CDH18: variants seen among roughly 807,000 people sequenced by gnomAD.
CDH18 encodes the protein cadherin 18.
Under a neutral mutation model 67.9 loss-of-function variants are expected in CDH18, and 31 were observed. The ratio of observed to expected loss-of-function variants is 0.46; its 90% CI spans 0.34 to 0.62. The LOEUF (loss-of-function observed/expected upper bound fraction) is 0.62, where lower values mean the gene tolerates loss of function less well. CDH18 is among the 20% of genes least tolerant of loss of function. CDH18 has a pLI of 0.01. For synonymous variants in CDH18, 362 were observed against 347.2 expected, an observed-to-expected ratio of 1.04 and a Z score of -0.48; for missense variants, 890 against 975.5, an observed-to-expected ratio of 0.91 and a Z score of 1.17.
At chr5:20,483,407 A>G (rs1752952414) in intron 1 of CDH18, among the ~76,000 whole-genome samples, 1 of 152,058 alleles carries the variant, frequency 6.6e-6, no homozygotes, top group African/African-American at 2.4e-5. Flanking sequence ...TCACAGAAAT[A>G]GAGAAAATAA....
chr5:19,618,124 A>C (rs1750125680), intron 5 of CDH18, among the ~76,000 whole-genome samples: 1 of 152,158 alleles, frequency 6.6e-6, no homozygotes, highest in African/African-American at 2.4e-5. Context: ...AAAAACCTCC[A>C]AGGTAGACAC....
At chr5:20,568,022 A>G (rs923049384) in intron 1 of CDH18, among the ~76,000 whole-genome samples, 1 of 152,160 alleles carries the variant, frequency 6.6e-6, no homozygotes, top group African/African-American at 2.4e-5. Context: ...GAGTCCTGCT[A>G]TTGTTTATAT....
At chr5:20,060,573 C>A (rs1021170531) in intron 2 of CDH18, among the ~76,000 whole-genome samples, 1 of 152,134 alleles carries the variant, frequency 6.6e-6, no homozygotes, top group Non-Finnish European at 1.5e-5. Context: ...TTCACACTAA[C>A]TTTGAAATTG....
At chr5:19,552,671 A>G (rs573080659) in intron 8 of CDH18, among the ~76,000 whole-genome samples, 2 of 152,314 alleles carry the variant, frequency 1.3e-5, no homozygotes, top group South Asian at 4.1e-4. Flanking sequence ...GATGTCTCCT[A>G]GTTATAGATT....
At position 20,274,772 on chromosome 5, in the gene CDH18, C is replaced by T. The variant is rs563904605; in HGVS notation, c.-579-19267G>A. Among the ~76,000 whole-genome samples, 160 of 152,136 alleles carry T rather than the reference C, an allele frequency of 1.1e-3. 1 individual carries two copies. The highest frequency in any genetic ancestry group is 3.6e-3 in the African/African-American group (149 of 41,522). ...CATTCTAGAAAACATTGGCTTTTGGCGTATTATCATACTTTGAGAACATCT... is the reference window on the plus strand; with the variant it reads ...CATTCTAGAAAACATTGGCTTTTGGTGTATTATCATACTTTGAGAACATCT... On this transcript the variant is annotated intron_variant, in intron 1 of 14. Coordinates refer to the CDH18 transcript ENST00000507958.
At chr5:19,993,613 C>G (rs1390121801) in intron 2 of CDH18, among the ~76,000 whole-genome samples, 1 of 152,036 alleles carries the variant, frequency 6.6e-6, no homozygotes, top group Non-Finnish European at 1.5e-5. Context: ...CACACATATA[C>G]ACACATATAG....
At chr5:20,291,337 C>T (rs1243001737) in intron 1 of CDH18, among the ~76,000 whole-genome samples, 2 of 151,960 alleles carry the variant, frequency 1.3e-5, no homozygotes, top group African/African-American at 4.8e-5. Flanking sequence ...CTAAGAGAGT[C>T]GGTCTGTGGA....
At chr5:19,711,399 A>C (rs147050940) in intron 5 of CDH18, among the ~76,000 whole-genome samples, 1 of 150,868 alleles carries the variant, frequency 6.6e-6, no homozygotes, top group East Asian at 2.0e-4. Flanking sequence ...CATAAACTAC[A>C]ACAACAACAA....
intron 2 of CDH18, among the ~76,000 whole-genome samples, chr5:19,993,543 C>G (rs1276550517): frequency 1.3e-5 from 2 of 152,032 alleles, no homozygotes; most frequent in Non-Finnish European, 2.9e-5. Context: ...GATACCATCT[C>G]TAACTCCTCT....
At chr5:19,847,414 T>A (rs549777648) in intron 2 of CDH18, among the ~76,000 whole-genome samples, 1 of 152,116 alleles carries the variant, frequency 6.6e-6, no homozygotes, top group Admixed American at 6.6e-5. Flanking sequence ...CACTAAAATT[T>A]TCAGTTTAGT....
intron 2 of CDH18, among the ~76,000 whole-genome samples, chr5:19,855,229 AAGAAG>A (rs1248389408): frequency 6.6e-6 from 1 of 152,070 alleles, no homozygotes; most frequent in Non-Finnish European, 1.5e-5. Context: ...ATGTGTTTAT[AAGAAG>A]ATGATTTAAA....
At chr5:19,923,582 C>A (rs951044581) in intron 2 of CDH18, among the ~76,000 whole-genome samples, 4 of 152,076 alleles carry the variant, frequency 2.6e-5, no homozygotes, top group Non-Finnish European at 5.9e-5. Context: ...TAGACTCTGG[C>A]ATCTAATTAA....
intron 2 of CDH18, among the ~76,000 whole-genome samples, chr5:20,170,430 T>A (rs535269363): frequency 1.9e-3 from 293 of 152,256 alleles, no homozygotes; most frequent in African/African-American, 6.5e-3. Context: ...TATATTTACA[T>A]ATTTTTCTTT....
intron 2 of CDH18, among the ~76,000 whole-genome samples, chr5:19,957,825 T>G (rs1431096874): frequency 7.5e-6 from 1 of 132,506 alleles, no homozygotes; most frequent in Non-Finnish European, 1.7e-5. Context: ...GTTAAAGGAT[T>G]CTGCTGAGAA....
At chr5:19,779,376 GTTAGT>G (rs1425112975) in intron 3 of CDH18, among the ~76,000 whole-genome samples, 1 of 152,130 alleles carries the variant, frequency 6.6e-6, no homozygotes, top group East Asian at 1.9e-4. Flanking sequence ...AGAAAATTGA[GTTAGT>G]TTATTGTTTT....
chr5:19,952,325 A>G (rs892227415), intron 2 of CDH18, among the ~76,000 whole-genome samples: 1 of 152,194 alleles, frequency 6.6e-6, no homozygotes, highest in Non-Finnish European at 1.5e-5. Context: ...CTGGGATCAC[A>G]GGCATGAACC....
intron 1 of CDH18, among the ~76,000 whole-genome samples, chr5:20,311,650 G>A (rs2149990244): frequency 6.6e-6 from 1 of 152,168 alleles, no homozygotes; most frequent in East Asian, 1.9e-4. Context: ...GTCAGAGGAT[G>A]GGGGACTACG....
intron 2 of CDH18, among the ~76,000 whole-genome samples, chr5:20,010,585 A>G (rs899958803): frequency 6.6e-6 from 1 of 152,126 alleles, no homozygotes; most frequent in Non-Finnish European, 1.5e-5. Flanking sequence ...AATTTTCTAT[A>G]TCATTCAATC....
intron 5 of CDH18, among the ~76,000 whole-genome samples, chr5:19,690,422 C>G (rs995396693): frequency 2.6e-5 from 4 of 151,288 alleles, no homozygotes; most frequent in Non-Finnish European, 5.9e-5. Context: ...ACACCCCAAA[C>G]TTAATATAAG....
Sources: gnomAD v4.1 joint callset for allele counts (sites outside exome capture counted in the v4.1 genomes callset) on GRCh38, gnomAD v4.1.1 for gene constraint, MANE v1.5 for transcripts, NCBI Gene and HGNC (gene_info 2026-07-23, HGNC 2026-07-21) for gene names.